NPR2: variants seen among roughly 807,000 people sequenced by gnomAD.
NPR2 encodes the protein natriuretic peptide receptor 2.
Under a neutral mutation model 120.7 loss-of-function variants are expected in NPR2, and 49 were observed. The observed-to-expected ratio is 0.41, with a 90% CI of 0.32 to 0.52. NPR2 has a LOEUF of 0.52. Ranked by LOEUF, NPR2 falls within the 20% of genes least tolerant of loss-of-function variation. The pLI is 0.36. For synonymous variants in NPR2, 484 were observed against 519.8 expected, an observed-to-expected ratio of 0.93 and a Z score of 0.94; for missense variants, 931 against 1,362.9, an observed-to-expected ratio of 0.68 and a Z score of 4.99.
Position 35,806,879 on chromosome 9 carries a change from C to A in NPR2, c.2520-144C>A. ...CTTACCTTGCATTAGACTGTAATGTCTTCCCAGCCACTTTCCTCCCTCCCA... is the reference window on the plus strand; with the variant it reads ...CTTACCTTGCATTAGACTGTAATGTATTCCCAGCCACTTTCCTCCCTCCCA... On this transcript the variant is annotated intron_variant, in intron 16 of 21. Transcript: ENST00000342694. The surrounding 1 kb of genome is among the most constrained non-coding windows in gnomAD (Gnocchi z 4.6). 1 of 920,444 alleles carries A rather than the reference C, an allele frequency of 1.1e-6. No homozygotes were observed. The highest frequency in any genetic ancestry group is 1.7e-6 in the Non-Finnish European group (1 of 588,890). 57.0% of individuals were successfully genotyped at this position (920,444 alleles called of 1,614,324 possible). A position where few individuals can be genotyped will look rare whatever the true frequency, so the allele number is the denominator to read the frequency against.
In NPR2 at chr9:35,801,539, A is replaced by T. The variant is rs1588059889; in HGVS notation, c.1437-104A>T. 6.7e-6 allele frequency: 8 copies of T among 1,193,324 alleles called. No homozygotes were observed. In the East Asian group the frequency reaches 1.9e-4, roughly 28 times the overall value. 73.9% of individuals were successfully genotyped at this position (1,193,324 alleles called of 1,614,324 possible). The stretch of plus-strand genomic sequence containing the variant: ...TCCAGCCCTGTCTCTCAGGTGTAAC[A>T]GTTGCAGCTTCAGGAGCTGCAGGGA... On this transcript the variant is annotated intron_variant, in intron 7 of 21. Coordinates refer to ENST00000342694, the MANE Select transcript of NPR2 (RefSeq NM_003995.4).
In NPR2 at chr9:35,793,092, C is replaced by A; in HGVS notation, c.667+17C>A. 6.3e-7 allele frequency: 1 copy of A among 1,577,102 alleles called. No homozygotes were observed. The highest frequency in any genetic ancestry group is 1.2e-5 in the South Asian group (1 of 86,836). ...ACGGGCGCAGTGAGTGTGGCCTGGG[C>A]TATTTTAGGGTCATGGGAGGAGGGT... On this transcript the variant is annotated intron_variant, in intron 1 of 21. Transcript: ENST00000342694.
Position 35,792,469 on chromosome 9 carries a change from G to C in NPR2, c.61G>C (p.Gly21Arg), listed in dbSNP as rs1228691213. 2.5e-6 allele frequency: 4 copies of C among 1,610,788 alleles called. No individual in the cohort carries two copies. The highest frequency in any genetic ancestry group is 2.5e-6 in the Non-Finnish European group (3 of 1,179,882). Residue 21 changes from glycine (G) to arginine (R), a missense_variant, in exon 1 of 22, where the codon GGG becomes CGG. This residue lies in a region of NPR2 where 681 missense variants were observed against 974.3 expected (regional missense o/e 0.70). Transcript: ENST00000342694. Reference protein sequence around the residue: ...AALAGGVRPPGARNLTLAVVL... With the variant: ...AALAGGVRPPRARNLTLAVVL... ...CCTGGCAGGTGGGGTGCGTCCTCCC[G>C]GGGCGCGGAACCTGACGCTGGCGGT...
Position 35,802,627 on chromosome 9 carries a change from G to A in NPR2, c.1815+20G>A, listed in dbSNP as rs1828216000. The A allele has an allele frequency of 6.6e-7, 1 of 1,504,846 alleles. No homozygotes were observed. Among genetic ancestry groups the A allele is most frequent in the Admixed American group, 1.7e-5 (1 of 59,886 alleles). The allele number at this position is 1,504,846 out of a possible 1,614,324, so 93.2% of individuals were successfully genotyped here. ...TTACAGGTGAGGGATAGGTGTAGGA[G>A]ATTATGGCAGGGGTGGGAAGGATAG... On this transcript the variant is annotated intron_variant, in intron 11 of 21. Coordinates refer to ENST00000342694, the MANE Select transcript of NPR2 (RefSeq NM_003995.4). This position sits in a 1 kb window ranked among gnomAD's most constrained non-coding sequence, Gnocchi z 4.2.
At position 35,808,893 on chromosome 9, in the gene NPR2, T is replaced by G; in HGVS notation, c.2986+40T>G. ...CTCAACCCCACTGTTGGCCTCAATTTATCTTGCCCTTTTCTTCTTTTCATA... is the reference window on the plus strand; with the variant it reads ...CTCAACCCCACTGTTGGCCTCAATTGATCTTGCCCTTTTCTTCTTTTCATA... On this transcript the variant is annotated intron_variant, in intron 20 of 21. Transcript: ENST00000342694. This position sits in a 1 kb window ranked among gnomAD's most constrained non-coding sequence, Gnocchi z 4.0. 8.1e-7 allele frequency: 1 copy of G among 1,233,530 alleles called. No individual in the cohort carries two copies. The highest frequency in any genetic ancestry group is 1.2e-6 in the Non-Finnish European group (1 of 832,260). 76.4% of individuals were successfully genotyped at this position (1,233,530 alleles called of 1,614,324 possible).
intron 2 of NPR2, 147 bp from the exon 3 acceptor site, chr9:35,799,471 G>T: frequency 1.5e-6 from 1 of 689,546 alleles, no homozygotes; most frequent in South Asian, 1.5e-5. Flanking sequence ...GAGAGAGAGA[G>T]GTTAGTAGCC....
At chr9:35,801,553 G>A (rs1828160139) in intron 7 of NPR2, 90 bp from the exon 8 acceptor site, 1 of 1,360,048 alleles carries the variant, frequency 7.4e-7, no homozygotes, top group African/African-American at 1.4e-5. Flanking sequence ...GCAGCTTCAG[G>A]AGCTGCAGGG....
intron 3 of NPR2, 60 bp downstream of exon 3, chr9:35,799,791 C>A: frequency 6.8e-7 from 1 of 1,468,692 alleles, no homozygotes; most frequent in Non-Finnish European, 9.5e-7. Context: ...GCTTCTCTCC[C>A]AAACTCAGCA....
chr9:35,806,974 C>T lies in NPR2; in HGVS notation c.2520-49C>T, dbSNP rs1828425263. On this transcript the variant is annotated intron_variant, in intron 16 of 21. Coordinates refer to ENST00000342694, the MANE Select transcript of NPR2 (RefSeq NM_003995.4). This position sits in a 1 kb window ranked among gnomAD's most constrained non-coding sequence, Gnocchi z 4.6. The stretch of plus-strand genomic sequence containing the variant: ...CCACATACACTTTCCCTCTCTCTTC[C>T]ACTCCTGCTCTCTTGGAGTTTGGCT... The T allele has an allele frequency of 6.2e-7, 1 of 1,607,778 alleles. No homozygotes were observed. Among genetic ancestry groups the T allele is most frequent in the African/African-American group, 1.3e-5 (1 of 74,810 alleles).
rs1828111553 is a variant in NPR2, at chr9:35,800,564, C to G, written c.1218+81C>G. 1.9e-6 allele frequency: 3 copies of G among 1,564,582 alleles called. No individual in the cohort carries two copies. The Admixed American group carries it at 5.0e-5, about 26-fold the overall frequency. On this transcript the variant is annotated intron_variant, in intron 5 of 21. Transcript: ENST00000342694. The surrounding 1 kb of genome is among the most constrained non-coding windows in gnomAD (Gnocchi z 4.7). ...GGGTTCAGTCGGGGCAGAACCAAAA[C>G]TACTAGATGAGGGATTTGTTTTCTC...
In NPR2 at chr9:35,809,251, ATGGCAGGCCATGG is replaced by A; in HGVS notation, c.3078+5_3078+17del. The stretch of plus-strand genomic sequence containing the variant: ...TCGGGGGGATGTGGAAATGAAGGTG[ATGGCAGGCCATGG>A]GGAGGGGGGCATGGAAAGGGAGGGT... On this transcript the variant is annotated splice_donor_5th_base_variant and intron_variant, in intron 21 of 21. Transcript: ENST00000342694. The surrounding 1 kb of genome is among the most constrained non-coding windows in gnomAD (Gnocchi z 4.1). 1 of 1,613,266 alleles carries A rather than the reference ATGGCAGGCCATGG, an allele frequency of 6.2e-7. No homozygotes were observed. Among genetic ancestry groups the A allele is most frequent in the Non-Finnish European group, 8.5e-7 (1 of 1,179,356 alleles).
At position 35,800,988 on chromosome 9, in the gene NPR2, C is replaced by T. The variant is rs923639389; in HGVS notation, c.1352-82C>T. 24 of 1,513,700 alleles carry T rather than the reference C, an allele frequency of 1.6e-5. No individual in the cohort carries two copies. The highest frequency in any genetic ancestry group is 1.7e-4 in the Middle Eastern group (1 of 5,904). The allele number at this position is 1,513,700 out of a possible 1,614,324, so 93.8% of individuals were successfully genotyped here. On this transcript the variant is annotated intron_variant, in intron 6 of 21. Coordinates refer to ENST00000342694, the MANE Select transcript of NPR2 (RefSeq NM_003995.4). This position sits in a 1 kb window ranked among gnomAD's most constrained non-coding sequence, Gnocchi z 4.7. Reference sequence around the variant, plus strand: ...TCATTTCTTCCTACTCCCAAGGAGTCTGTCTATGCACCTATGCACCCCGTT... The same window carrying T: ...TCATTTCTTCCTACTCCCAAGGAGTTTGTCTATGCACCTATGCACCCCGTT...
chr9:35,809,202 G>T lies in NPR2; in HGVS notation c.3033G>T (p.Glu1011Asp). ...CTACCACCAAGGATGCCCTAGATGA[G>T]CTAGGATGCTTCCAGCTAGAGCTTC... Reference protein sequence around the residue: ...VSSTTKDALDELGCFQLELRG... With the variant: ...VSSTTKDALDDLGCFQLELRG... Residue 1011 changes from glutamate to aspartate, a missense_variant, in exon 21 of 22, where the codon GAG (glutamate) becomes GAT (aspartate). By Grantham distance (45) the Glu-to-Asp change is conservative. This residue lies in a region of NPR2 where 184 missense variants were observed against 328.3 expected (regional missense o/e 0.56). Coordinates refer to ENST00000342694, the MANE Select transcript of NPR2 (RefSeq NM_003995.4). The surrounding 1 kb of genome is among the most constrained non-coding windows in gnomAD (Gnocchi z 4.1). The T allele has an allele frequency of 6.2e-7, 1 of 1,614,048 alleles. No homozygotes were observed. Among genetic ancestry groups the T allele is most frequent in the Non-Finnish European group, 8.5e-7 (1 of 1,180,014 alleles).
rs1588068225 is a variant in NPR2, at chr9:35,806,726, C to T, written c.2519+188C>T. Among the ~76,000 whole-genome samples, 2 of 152,166 alleles carry T rather than the reference C, an allele frequency of 1.3e-5. No homozygotes were observed. Among genetic ancestry groups the T allele is most frequent in the Non-Finnish European group, 2.9e-5 (2 of 68,026 alleles). ...AGCTATGCTGCCTTCTTACTGGCTGCCCATCCCTTCTTCTTAAGACCCTGC... is the reference window on the plus strand; with the variant it reads ...AGCTATGCTGCCTTCTTACTGGCTGTCCATCCCTTCTTCTTAAGACCCTGC... On this transcript the variant is annotated intron_variant, in intron 16 of 21. Coordinates refer to ENST00000342694, the MANE Select transcript of NPR2 (RefSeq NM_003995.4). This position sits in a 1 kb window ranked among gnomAD's most constrained non-coding sequence, Gnocchi z 4.6.
rs1332190967 is a variant in NPR2, at chr9:35,808,963, C to T, written c.2986+110C>T. 2.2e-5 allele frequency: 21 copies of T among 942,572 alleles called. No homozygotes were observed. Among genetic ancestry groups the T allele is most frequent in the Non-Finnish European group, 3.0e-5 (17 of 574,094 alleles). 58.4% of individuals were successfully genotyped at this position (942,572 alleles called of 1,614,324 possible). ...CTGAGAGACCACAGTTCCTTAGTGT[C>T]GCATCCTCGGGCATATTTTGGTTCT... On this transcript the variant is annotated intron_variant, in intron 20 of 21. Transcript: ENST00000342694. This position sits in a 1 kb window ranked among gnomAD's most constrained non-coding sequence, Gnocchi z 4.0.
At chr9:35,794,353 C>T (rs1186175674) in intron 2 of NPR2, among the ~76,000 whole-genome samples, 1 of 152,216 alleles carries the variant, frequency 6.6e-6, no homozygotes, top group Non-Finnish European at 1.5e-5. Flanking sequence ...TTCCTAAGTG[C>T]CAGTAGTAGG....
At position 35,800,805 on chromosome 9, in the gene NPR2, T is replaced by A; in HGVS notation, c.1315T>A (p.Cys439Ser). 1 of 1,614,168 alleles carries A rather than the reference T, an allele frequency of 6.2e-7. No individual in the cohort carries two copies. Among genetic ancestry groups the A allele is most frequent in the Non-Finnish European group, 8.5e-7 (1 of 1,180,020 alleles). ...KGAPPSDNPP[C>S]AFDLDDPSCD... ...GGCTCCTCCCTCGGACAATCCCCCC[T>A]GTGCCTTTGACTTGGACGACCCATC... The change falls in exon 6 of 22, where the codon TGT becomes AGT. Residue 439 changes from cysteine to serine, a missense_variant. Cys to Ser is a moderately radical substitution (Grantham distance 112). Coordinates refer to ENST00000342694, the MANE Select transcript of NPR2 (RefSeq NM_003995.4). The surrounding 1 kb of genome is among the most constrained non-coding windows in gnomAD (Gnocchi z 4.7).
chr9:35,793,758 G>T, intron 1 of NPR2, 140 bp from the exon 2 acceptor site: 1 of 810,004 alleles, frequency 1.2e-6, no homozygotes, highest in Non-Finnish European at 2.1e-6. Context: ...GGTGGGCTGG[G>T]GAGCATCTGC....
Position 35,807,670 on chromosome 9 carries a change from C to T in NPR2, c.2712+272C>T, listed in dbSNP as rs1263451196. 3.3e-5 allele frequency among the ~76,000 whole-genome samples: 5 copies of T among 152,214 alleles called. No individual in the cohort carries two copies. The South Asian group carries it at 1.0e-3, about 32-fold the overall frequency. ...CTATCTTCCTGGAGTATAAATACAGCCTATCCAACATTTCTCTCCAGTCCT... is the reference window on the plus strand; with the variant it reads ...CTATCTTCCTGGAGTATAAATACAGTCTATCCAACATTTCTCTCCAGTCCT... On this transcript the variant is annotated intron_variant, in intron 18 of 21. Transcript: ENST00000342694.
Sources: allele counts gnomAD v4.1 joint callset (sites outside exome capture counted in the v4.1 genomes callset), GRCh38; gene constraint gnomAD v4.1.1; regional missense constraint gnomAD v4.1.1; non-coding constraint Gnocchi (gnomAD v3.1); transcripts MANE v1.5; gene names NCBI Gene and HGNC (gene_info 2026-07-23, HGNC 2026-07-21).